Variants in RPS6KA5 observed in about 807,000 individuals in gnomAD.
RPS6KA5 encodes ribosomal protein S6 kinase A5, also known as ribosomal protein S6 kinase alpha-5.
A neutral mutation model predicts 85.5 loss-of-function variants in RPS6KA5; 27 were observed. The ratio of observed to expected loss-of-function variants is 0.32; its 90% CI spans 0.23 to 0.44. The LOEUF is 0.44. RPS6KA5 is among the 20% of genes least tolerant of loss of function. The pLI, the probability that RPS6KA5 is intolerant of heterozygous loss-of-function variation, is 1.00. For synonymous variants in RPS6KA5, 334 were observed against 348.2 expected (o/e 0.96, Z 0.46); for missense variants, 811 against 980.9 (o/e 0.83, Z 2.31).
At chr14:91,031,460 G>A (rs953227413) in intron 1 of RPS6KA5, among the ~76,000 whole-genome samples, 1 of 152,096 alleles carries the variant, frequency 6.6e-6, no homozygotes, top group Non-Finnish European at 1.5e-5. Context: ...TGATAGTGAA[G>A]GAAAATCCCA....
intron 7 of RPS6KA5, among the ~76,000 whole-genome samples, chr14:90,907,441 A>T (rs1595180633): frequency 6.6e-6 from 1 of 152,332 alleles, no homozygotes; most frequent in Non-Finnish European, 1.5e-5. Context: ...ATGCTTAAAT[A>T]AGACCTGTAG....
At chr14:90,983,311 T>C (rs1437417667) in intron 2 of RPS6KA5, among the ~76,000 whole-genome samples, 1 of 147,102 alleles carries the variant, frequency 6.8e-6, no homozygotes, top group East Asian at 2.0e-4. Flanking sequence ...GAAAAAAATA[T>C]GAGCAAAGTA....
At chr14:90,902,753 C>G in intron 9 of RPS6KA5, 55 bp downstream of exon 9, 1 of 1,507,498 alleles carries the variant, frequency 6.6e-7, no homozygotes, top group Non-Finnish European at 9.0e-7. Flanking sequence ...GAAATTTAAT[C>G]TTTTCTTTCA....
intron 3 of RPS6KA5, among the ~76,000 whole-genome samples, chr14:90,952,297 G>C (rs985943356): frequency 6.6e-6 from 1 of 152,162 alleles, no homozygotes; most frequent in Non-Finnish European, 1.5e-5. Context: ...ATTAACTCCC[G>C]TTTTGACTCC....
At chr14:90,916,700 CAA>C (rs2036134159) in intron 7 of RPS6KA5, among the ~76,000 whole-genome samples, 1 of 142,328 alleles carries the variant, frequency 7.0e-6, no homozygotes, top group South Asian at 2.3e-4. Flanking sequence ...CACACACACA[CAA>C]AACCATGAAA....
intron 13 of RPS6KA5, 172 bp downstream of exon 13, chr14:90,894,241 T>C (rs1038234736): frequency 8.1e-7 from 1 of 1,241,328 alleles, no homozygotes; most frequent in African/African-American, 1.5e-5. Context: ...AAATTTATTT[T>C]AGACTGAAAT....
chr14:91,051,408 G>A (rs2043074138), intron 1 of RPS6KA5, among the ~76,000 whole-genome samples: 2 of 152,124 alleles, frequency 1.3e-5, no homozygotes, highest in African/African-American at 4.8e-5. Flanking sequence ...GTGAGATTCT[G>A]TCTCAATAAA....
At chr14:91,005,590 TATC>T (rs2040984332) in intron 1 of RPS6KA5, among the ~76,000 whole-genome samples, 1 of 152,152 alleles carries the variant, frequency 6.6e-6, no homozygotes, top group Non-Finnish European at 1.5e-5. Context: ...AAATGGTAAA[TATC>T]ATATTATATA....
rs936712101 is a variant in RPS6KA5, at chr14:90,865,452, C to T, written c.*6622G>A. The T allele has an allele frequency of 1.3e-5, 2 of 152,176 alleles. No individual in the cohort carries two copies. Among genetic ancestry groups the T allele is most frequent in the African/African-American group, 4.8e-5 (2 of 41,436 alleles). 9.4% of individuals were successfully genotyped at this position (152,176 alleles called of 1,614,324 possible). Reference sequence around the variant, plus strand: ...ATAATTCCATGTATAGGAATGTCAACAACAGTGACAGAGGTCAGAGTGGTG... The same window carrying T: ...ATAATTCCATGTATAGGAATGTCAATAACAGTGACAGAGGTCAGAGTGGTG... On this transcript the variant is annotated 3_prime_UTR_variant, in exon 17 of 17. Coordinates refer to ENST00000614987, the MANE Select transcript of RPS6KA5 (RefSeq NM_004755.4).
chr14:90,928,178 T>C (rs1039631676), intron 5 of RPS6KA5, among the ~76,000 whole-genome samples: 1 of 151,916 alleles, frequency 6.6e-6, no homozygotes, highest in Non-Finnish European at 1.5e-5. Context: ...CTCAGACTCT[T>C]AAAGTGCTTG....
At chr14:91,052,431 A>G (rs1325622434) in intron 1 of RPS6KA5, 3 of 301,178 alleles carry the variant, frequency 1.0e-5, no homozygotes, top group South Asian at 7.4e-5. Context: ...TCAGCACCAC[A>G]CTCCAGCCTG....
chr14:90,857,896 G>A lies in RPS6KA5; in HGVS notation c.*14178C>T, dbSNP rs1642860531. 6.6e-6 allele frequency: 1 copy of A among 152,108 alleles called. No homozygotes were observed. The highest frequency in any genetic ancestry group is 2.1e-4 in the South Asian group (1 of 4,830). 9.4% of individuals were successfully genotyped at this position (152,108 alleles called of 1,614,324 possible). A position where few individuals can be genotyped will look rare whatever the true frequency, so the allele number is the denominator to read the frequency against. The stretch of plus-strand genomic sequence containing the variant: ...GTCTAGAGTAATACCTGGCCTGAAA[G>A]AAGTGCTCAAAAACTATTTAATGGA... On this transcript the variant is annotated 3_prime_UTR_variant, in exon 17 of 17. Transcript: ENST00000614987.
At chr14:91,052,380 ATC>A (rs2043122031) in intron 1 of RPS6KA5, 7 of 401,894 alleles carry the variant, frequency 1.7e-5, no homozygotes, top group African/African-American at 4.4e-5. Context: ...AGGCAGGAGA[ATC>A]ACTTGAACCC....
chr14:90,941,654 G>T (rs1026474095), intron 5 of RPS6KA5, among the ~76,000 whole-genome samples: 1 of 152,132 alleles, frequency 6.6e-6, no homozygotes, highest in Non-Finnish European at 1.5e-5. Context: ...ATCCTCCTGG[G>T]TCCTGCATCA....
At chr14:91,050,541 G>T (rs375426120) in intron 1 of RPS6KA5, among the ~76,000 whole-genome samples, 2 of 152,080 alleles carry the variant, frequency 1.3e-5, no homozygotes, top group East Asian at 1.9e-4. Context: ...CAATTCTCTT[G>T]CCTAAGCCTC....
chr14:90,900,046 T>C, intron 11 of RPS6KA5, 62 bp downstream of exon 11: 1 of 1,339,592 alleles, frequency 7.5e-7, no homozygotes, highest in East Asian at 2.6e-5. Flanking sequence ...AAAATAAATA[T>C]CTTTTAATTT....
chr14:90,962,792 T>A (rs543602143), intron 3 of RPS6KA5, among the ~76,000 whole-genome samples: 1 of 152,326 alleles, frequency 6.6e-6, no homozygotes, highest in South Asian at 2.1e-4. Flanking sequence ...TTTGTTTAAT[T>A]TGCTTTAGCA....
chr14:91,007,962 G>A (rs1319098158), intron 1 of RPS6KA5, among the ~76,000 whole-genome samples: 1 of 152,090 alleles, frequency 6.6e-6, no homozygotes, highest in African/African-American at 2.4e-5. Context: ...GGTCTTCCAG[G>A]ATTTCAGCCA....
intron 3 of RPS6KA5, among the ~76,000 whole-genome samples, chr14:90,949,098 C>T (rs2038034721): frequency 6.6e-6 from 1 of 152,172 alleles, no homozygotes; most frequent in African/African-American, 2.4e-5. Context: ...GAACACAAAG[C>T]TAATTATTAA....
Sources: allele counts gnomAD v4.1 joint callset (sites outside exome capture counted in the v4.1 genomes callset), GRCh38; gene constraint gnomAD v4.1.1; transcripts MANE v1.5; gene names NCBI Gene and HGNC (gene_info 2026-07-23, HGNC 2026-07-21).